Variants in MOB3B observed in about 807,000 individuals in gnomAD.
MOB3B encodes MOB kinase activator-like 2B.
In MOB3B, 7 loss-of-function variants were observed where a neutral mutation model predicts 18.7. That is an observed-to-expected ratio of 0.37 (90% CI 0.21 to 0.70). The LOEUF is 0.70. Ranked by LOEUF, MOB3B falls within the 30% of genes least tolerant of loss-of-function variation. MOB3B has a pLI of 0.52. For synonymous variants in MOB3B, 111 were observed against 99.9 expected, an observed-to-expected ratio of 1.11 and a Z score of -0.66; for missense variants, 253 against 281.3, an observed-to-expected ratio of 0.90 and a Z score of 0.72.
chr9:27,495,321 C>A (rs966410707), intron 1 of MOB3B, among the ~76,000 whole-genome samples: 1 of 151,918 alleles, frequency 6.6e-6, no homozygotes, highest in Non-Finnish European at 1.5e-5. Flanking sequence ...CAGAGTGAGA[C>A]CCTGTCTCCA....
At chr9:27,401,494 C>T (rs1464688676) in intron 2 of MOB3B, among the ~76,000 whole-genome samples, 1 of 152,186 alleles carries the variant, frequency 6.6e-6, no homozygotes, top group Admixed American at 6.5e-5. Context: ...AAGGCACCCT[C>T]ATCTGGGTCT....
chr9:27,527,810 G>A (rs150776742), intron 1 of MOB3B, among the ~76,000 whole-genome samples: 1 of 152,312 alleles, frequency 6.6e-6, no homozygotes, highest in East Asian at 1.9e-4. Flanking sequence ...GCACCATCTG[G>A]GGACCCTGAC....
intron 2 of MOB3B, among the ~76,000 whole-genome samples, chr9:27,405,921 T>C (rs1821961563): frequency 6.6e-6 from 1 of 152,178 alleles, no homozygotes; most frequent in South Asian, 2.1e-4. Flanking sequence ...AGAAGGAACA[T>C]ACCTCAACAT....
intron 2 of MOB3B, among the ~76,000 whole-genome samples, chr9:27,404,581 C>A (rs1448143445): frequency 6.6e-6 from 1 of 152,020 alleles, no homozygotes; most frequent in African/African-American, 2.4e-5. Context: ...TGGTCTTGAA[C>A]TCCTGACCTC....
chr9:27,438,236 G>A (rs1463176106), intron 2 of MOB3B, among the ~76,000 whole-genome samples: 1 of 152,208 alleles, frequency 6.6e-6, no homozygotes. Context: ...CTTAGAGAAA[G>A]CTCTAACAGT....
intron 3 of MOB3B, among the ~76,000 whole-genome samples, chr9:27,357,886 T>TCCAAAAAAAAAAAA (rs1563849115): frequency 4.0e-5 from 1 of 25,292 alleles, no homozygotes; most frequent in African/African-American, 1.5e-4. Context: ...ATCCCATCGC[T>TCCAAAAAAAAAAAA]ACAAAAAAAA....
chr9:27,329,815 T>C lies in MOB3B; in HGVS notation c.*772A>G, dbSNP rs1447263477. 5 of 152,478 alleles carry C rather than the reference T, an allele frequency of 3.3e-5. No individual in the cohort carries two copies. The East Asian group carries it at 9.6e-4, about 29-fold the overall frequency. 9.4% of individuals were successfully genotyped at this position (152,478 alleles called of 1,614,324 possible). On this transcript the variant is annotated 3_prime_UTR_variant, in exon 4 of 4. Transcript: ENST00000262244. ...CCACTGAAGAGACAAGGAATGATGGTGGTTATAAAAAATACATTCTGATCA... is the reference window on the plus strand; with the variant it reads ...CCACTGAAGAGACAAGGAATGATGGCGGTTATAAAAAATACATTCTGATCA...
chr9:27,408,285 G>C (rs1245656985), intron 2 of MOB3B, among the ~76,000 whole-genome samples: 1 of 152,166 alleles, frequency 6.6e-6, no homozygotes, highest in African/African-American at 2.4e-5. Context: ...TGATGAAGCA[G>C]GGAAATTGGG....
At chr9:27,433,303 G>T (rs1232211273) in intron 2 of MOB3B, among the ~76,000 whole-genome samples, 1 of 151,748 alleles carries the variant, frequency 6.6e-6, no homozygotes, top group Admixed American at 6.6e-5. Context: ...CCCTTTTCTA[G>T]CTCTGAACAC....
intron 1 of MOB3B, among the ~76,000 whole-genome samples, chr9:27,463,470 C>A (rs549549841): frequency 6.6e-6 from 1 of 152,062 alleles, no homozygotes; most frequent in African/African-American, 2.4e-5. Context: ...TGGGGTACAC[C>A]TAAGGGGGTC....
At chr9:27,475,456 C>T (rs1311517743) in intron 1 of MOB3B, among the ~76,000 whole-genome samples, 1 of 152,230 alleles carries the variant, frequency 6.6e-6, no homozygotes, top group East Asian at 1.9e-4. Flanking sequence ...GTTTAAGCCT[C>T]ATTGTTTATA....
chr9:27,506,389 C>A (rs1039793112), intron 1 of MOB3B, among the ~76,000 whole-genome samples: 5 of 152,172 alleles, frequency 3.3e-5, no homozygotes, highest in Non-Finnish European at 7.3e-5. Context: ...CCATACCAGG[C>A]TATGTACCTC....
At chr9:27,479,825 G>T (rs1819619683) in intron 1 of MOB3B, among the ~76,000 whole-genome samples, 1 of 152,178 alleles carries the variant, frequency 6.6e-6, no homozygotes, top group African/African-American at 2.4e-5. Context: ...GGAGGCCAAG[G>T]CAGGAGGTTT....
intron 3 of MOB3B, among the ~76,000 whole-genome samples, chr9:27,344,016 A>G (rs1190610115): frequency 6.6e-6 from 1 of 152,176 alleles, no homozygotes; most frequent in African/African-American, 2.4e-5. Context: ...ATGTGAGTGC[A>G]TTTAATGCCA....
At chr9:27,343,860 A>T (rs1820993438) in intron 3 of MOB3B, among the ~76,000 whole-genome samples, 1 of 152,120 alleles carries the variant, frequency 6.6e-6, no homozygotes, top group Admixed American at 6.5e-5. Context: ...CTTTTACTTC[A>T]CGTAATTTTT....
At chr9:27,398,853 G>C (rs1821837006) in intron 2 of MOB3B, among the ~76,000 whole-genome samples, 1 of 152,134 alleles carries the variant, frequency 6.6e-6, no homozygotes, top group Non-Finnish European at 1.5e-5. Flanking sequence ...TTACTCAAAA[G>C]GTATATACAA....
intron 1 of MOB3B, among the ~76,000 whole-genome samples, chr9:27,516,656 CT>C (rs2131504219): frequency 6.6e-6 from 1 of 152,332 alleles, no homozygotes; most frequent in African/African-American, 2.4e-5. Context: ...ATCCTTATGC[CT>C]GTGACCATCC....
At chr9:27,498,856 AT>A (rs1471124285) in intron 1 of MOB3B, among the ~76,000 whole-genome samples, 3 of 152,232 alleles carry the variant, frequency 2.0e-5, no homozygotes, top group Non-Finnish European at 4.4e-5. Flanking sequence ...CTGTATTTTT[AT>A]AGGTTGATAA....
intron 2 of MOB3B, among the ~76,000 whole-genome samples, chr9:27,393,720 C>A (rs563484448): frequency 7.9e-5 from 12 of 152,234 alleles, no homozygotes; most frequent in Admixed American, 5.9e-4. Context: ...TCACAACAAA[C>A]CTTCGATTAT....
Sources: allele counts gnomAD v4.1 joint callset (sites outside exome capture counted in the v4.1 genomes callset), GRCh38; gene constraint gnomAD v4.1.1; transcripts MANE v1.5; gene names NCBI Gene and HGNC (gene_info 2026-07-23, HGNC 2026-07-21).